The following NRG1 variants were observed in gnomAD, a reference collection of about 807,000 sequenced individuals.
NRG1 encodes neuregulin 1.
Under a neutral mutation model 63.8 loss-of-function variants are expected in NRG1, and 18 were observed. The observed-to-expected ratio is 0.28, with a 90% confidence interval of 0.19 to 0.42. The LOEUF (loss-of-function observed/expected upper bound fraction) is 0.42, where lower values mean the gene tolerates loss of function less well. Ranked by LOEUF, NRG1 falls within the 10% of genes least tolerant of loss-of-function variation. The pLI is 1.00. For missense variants in NRG1, 762 were observed against 814.7 expected (o/e 0.94, Z 0.79); for synonymous variants, 302 against 301.3 (o/e 1.00, Z -0.02).
intron 1 of NRG1, among the ~76,000 whole-genome samples, chr8:32,149,534 G>A (rs1837270968): frequency 6.6e-6 from 1 of 152,020 alleles, no homozygotes; most frequent in Non-Finnish European, 1.5e-5. Context: ...AAATTTCTCT[G>A]TAGTTTATAC....
chr8:32,093,526 G>A (rs934182468), intron 1 of NRG1, among the ~76,000 whole-genome samples: 3 of 152,212 alleles, frequency 2.0e-5, no homozygotes, highest in Non-Finnish European at 4.4e-5. Flanking sequence ...CCAAGCCAGA[G>A]CCTTCCAAGG....
At chr8:31,769,815 T>C (rs571133499) in intron 1 of NRG1, among the ~76,000 whole-genome samples, 1 of 152,170 alleles carries the variant, frequency 6.6e-6, no homozygotes, top group Non-Finnish European at 1.5e-5. Context: ...AGCAAGGAAA[T>C]AGACAAAGGA....
At chr8:31,850,047 A>G (rs1827063932) in intron 1 of NRG1, among the ~76,000 whole-genome samples, 1 of 152,170 alleles carries the variant, frequency 6.6e-6, no homozygotes, top group African/African-American at 2.4e-5. Flanking sequence ...TGTTACCCTC[A>G]TAACAGGTGG....
intron 1 of NRG1, among the ~76,000 whole-genome samples, chr8:31,665,574 G>A (rs1459917085): frequency 6.6e-6 from 1 of 152,150 alleles, no homozygotes. Flanking sequence ...TGTAGATATG[G>A]CAAATGTTTA....
chr8:32,279,435 C>T (rs1013335952), intron 1 of NRG1, among the ~76,000 whole-genome samples: 1 of 152,188 alleles, frequency 6.6e-6, no homozygotes, highest in Admixed American at 6.5e-5. Context: ...TCACTGCAAC[C>T]TCAGACTCTC....
rs892195885 is a variant in NRG1, at chr8:32,650,984, G to A, written c.502+34099G>A. On this transcript the variant is annotated intron_variant, in intron 5 of 11. Coordinates refer to ENST00000356819, the Ensembl canonical transcript of NRG1. ...TATCCTGGAGCCTGAGAGAGTAGAA[G>A]AGAGACAATCCCAGTAATTGTGTCT... is the stretch of plus-strand genomic sequence containing the variant. 2.6e-4 allele frequency among the ~76,000 whole-genome samples: 40 copies of A among 152,092 alleles called. 1 individual carries two copies. Among genetic ancestry groups the A allele is most frequent in the Non-Finnish European group, 2.5e-4 (17 of 68,010 alleles).
intron 1 of NRG1, among the ~76,000 whole-genome samples, chr8:31,736,905 A>G (rs1490327016): frequency 3.3e-5 from 5 of 152,174 alleles, no homozygotes; most frequent in South Asian, 2.1e-4. Flanking sequence ...GTGTTACACA[A>G]TCCTCAGTCC....
intron 1 of NRG1, among the ~76,000 whole-genome samples, chr8:32,299,709 A>G (rs1323539694): frequency 6.6e-6 from 1 of 152,176 alleles, no homozygotes; most frequent in East Asian, 1.9e-4. Flanking sequence ...GCAAAGGCAC[A>G]TCTTACATAG....
chr8:31,863,590 G>A (rs13250687), intron 1 of NRG1, among the ~76,000 whole-genome samples: 2 of 152,104 alleles, frequency 1.3e-5, no homozygotes, highest in African/African-American at 4.8e-5. Context: ...ACACCCATAG[G>A]TCCATCATAT....
chr8:31,668,214 A>T (rs775964972), intron 1 of NRG1, among the ~76,000 whole-genome samples: 2 of 152,208 alleles, frequency 1.3e-5, no homozygotes, highest in African/African-American at 2.4e-5. Flanking sequence ...GGATGGTGGA[A>T]CCTCTTATTC....
At chr8:31,765,703 A>G (rs569078436) in intron 1 of NRG1, among the ~76,000 whole-genome samples, 8 of 152,256 alleles carry the variant, frequency 5.3e-5, no homozygotes, top group Admixed American at 1.3e-4. Flanking sequence ...TTTTAAGACA[A>G]TGTTGTGGAT....
At chr8:32,198,334 C>T (rs919307591) in intron 1 of NRG1, among the ~76,000 whole-genome samples, 1 of 152,062 alleles carries the variant, frequency 6.6e-6, no homozygotes, top group Non-Finnish European at 1.5e-5. Flanking sequence ...CCCACCACCA[C>T]ATCGGGCTAA....
chr8:32,564,611 G>A (rs1391481414), intron 1 of NRG1, among the ~76,000 whole-genome samples: 1 of 152,156 alleles, frequency 6.6e-6, no homozygotes, highest in Admixed American at 6.5e-5. Context: ...ATGCAATTAT[G>A]GTATTAGATA....
At chr8:32,270,851 T>G (rs1416709190) in intron 1 of NRG1, among the ~76,000 whole-genome samples, 1 of 152,182 alleles carries the variant, frequency 6.6e-6, no homozygotes, top group Non-Finnish European at 1.5e-5. Context: ...TTTTCTCCCT[T>G]CTTGGAAAAT....
At chr8:31,885,152 A>G (rs562854961) in intron 1 of NRG1, among the ~76,000 whole-genome samples, 2 of 152,260 alleles carry the variant, frequency 1.3e-5, no homozygotes, top group East Asian at 3.9e-4. Flanking sequence ...GATAAGGCCT[A>G]AGCAATTATC....
intron 1 of NRG1, among the ~76,000 whole-genome samples, chr8:32,230,541 A>G (rs1376181610): frequency 1.3e-5 from 2 of 152,162 alleles, no homozygotes; most frequent in African/African-American, 4.8e-5. Context: ...GTGGAAAGTG[A>G]CTAAAACATT....
intron 1 of NRG1, among the ~76,000 whole-genome samples, chr8:32,145,118 G>T (rs1455829081): frequency 6.6e-6 from 1 of 152,134 alleles, no homozygotes; most frequent in Admixed American, 6.5e-5. Flanking sequence ...AAAACTAAGG[G>T]TTTAGATATA....
Position 31,791,656 on chromosome 8 carries a change from T to C in NRG1, c.37+152225T>C, listed in dbSNP as rs1820723620. 1.3e-5 allele frequency among the ~76,000 whole-genome samples: 2 copies of C among 152,182 alleles called. 1 individual carries two copies. Among genetic ancestry groups the C allele is most frequent in the Non-Finnish European group, 2.9e-5 (2 of 68,030 alleles). On this transcript the variant is annotated intron_variant, in intron 1 of 10. Transcript: ENST00000519301. ...GTGGCTGGATCTTCATGAGGTTTTC[T>C]TGAGCTGTTTTTCATTTCACCTGCT...
intron 1 of NRG1, among the ~76,000 whole-genome samples, chr8:31,754,747 T>C (rs999572206): frequency 6.6e-6 from 1 of 152,054 alleles, no homozygotes; most frequent in Non-Finnish European, 1.5e-5. Context: ...TAACAAGTAC[T>C]ATGATTATAG....
Sources: gnomAD v4.1 joint callset for allele counts (sites outside exome capture counted in the v4.1 genomes callset) on GRCh38, gnomAD v4.1.1 for gene constraint, MANE v1.5 for transcripts, NCBI Gene and HGNC (gene_info 2026-07-23, HGNC 2026-07-21) for gene names.